CTDSP2: variants seen among roughly 807,000 people sequenced by gnomAD.
CTDSP2 encodes the protein CTD small phosphatase 2.
A neutral mutation model predicts 31.6 loss-of-function variants in CTDSP2; 9 were observed. The ratio of observed to expected loss-of-function variants is 0.28; its 90% CI spans 0.17 to 0.50. The LOEUF (loss-of-function observed/expected upper bound fraction) is 0.50. Ranked by LOEUF, CTDSP2 falls within the 20% of genes least tolerant of loss-of-function variation. CTDSP2 has a pLI of 0.98. For synonymous variants in CTDSP2, 134 were observed against 134.5 expected (o/e 1.00, Z 0.03); for missense variants, 267 against 348.5 (o/e 0.77, Z 1.86).
At chr12:57,833,407 A>G (rs989443240) in intron 1 of CTDSP2, among the ~76,000 whole-genome samples, 1 of 152,170 alleles carries the variant, frequency 6.6e-6, no homozygotes, top group Non-Finnish European at 1.5e-5. Flanking sequence ...AGTACCTCAG[A>G]CCCACAACAG....
intron 3 of CTDSP2, 151 bp from the exon 4 acceptor site, chr12:57,827,248 A>T: frequency 1.5e-6 from 1 of 648,348 alleles, no homozygotes; most frequent in Non-Finnish European, 2.7e-6. Context: ...AAGGAGGTGG[A>T]GTTGTTTCCT....
chr12:57,841,710 C>T (rs1191686931), intron 1 of CTDSP2, among the ~76,000 whole-genome samples: 2 of 152,208 alleles, frequency 1.3e-5, no homozygotes, highest in African/African-American at 2.4e-5. Context: ...CTCTGACCCC[C>T]GGCCACCTGT....
intron 1 of CTDSP2, among the ~76,000 whole-genome samples, chr12:57,845,916 G>T (rs986973486): frequency 3.1e-4 from 47 of 152,162 alleles, no homozygotes; most frequent in Non-Finnish European, 6.0e-4. Context: ...CTCGGGCTTG[G>T]GGGGGCCTGC....
intron 7 of CTDSP2, 40 bp from the exon 8 acceptor site, chr12:57,823,767 G>GC: frequency 6.2e-7 from 1 of 1,612,670 alleles, no homozygotes; most frequent in South Asian, 1.1e-5. Context: ...CCCGACTGCT[G>GC]CTTCCCCCTC....
At chr12:57,826,476 G>A in intron 4 of CTDSP2, 74 bp from the exon 5 acceptor site, 2 of 1,464,284 alleles carry the variant, frequency 1.4e-6, no homozygotes, top group South Asian at 2.3e-5. Flanking sequence ...CCCCTAGGTG[G>A]GTGGGGAGAA....
At chr12:57,840,356 C>T (rs1956275223) in intron 1 of CTDSP2, among the ~76,000 whole-genome samples, 1 of 152,190 alleles carries the variant, frequency 6.6e-6, no homozygotes, top group African/African-American at 2.4e-5. Context: ...GTCCCCTTGG[C>T]CCCTCTCCCC....
chr12:57,828,995 T>C (rs1235118450), intron 2 of CTDSP2, among the ~76,000 whole-genome samples: 2 of 152,270 alleles, frequency 1.3e-5, no homozygotes, highest in South Asian at 2.1e-4. Context: ...CTTTGCATAA[T>C]TGAGAACAAC....
intron 2 of CTDSP2, among the ~76,000 whole-genome samples, chr12:57,828,759 C>A (rs1956198315): frequency 6.6e-6 from 1 of 152,246 alleles, no homozygotes; most frequent in Non-Finnish European, 1.5e-5. Flanking sequence ...AAAGGAAGGA[C>A]AACCAGACCT....
At position 57,844,450 on chromosome 12, in the gene CTDSP2, G is replaced by A. The variant is rs565221690; in HGVS notation, c.64+1922C>T. On this transcript the variant is annotated intron_variant, in intron 1 of 7. Transcript: ENST00000398073. ...TCCCTTACTCCTCGCGTGGCCCCAC[G>A]ATGCCCAAGGCACACTCCCTGCAAG... Among the ~76,000 whole-genome samples, 4 of 152,238 alleles carry A rather than the reference G, an allele frequency of 2.6e-5. No homozygotes were observed. The East Asian group carries it at 7.7e-4, about 29-fold the overall frequency.
At chr12:57,839,664 G>A in intron 1 of CTDSP2, among the ~76,000 whole-genome samples, 1 of 152,064 alleles carries the variant, frequency 6.6e-6, no homozygotes, top group African/African-American at 2.4e-5. Flanking sequence ...CTTGCAGTGA[G>A]CTGAGATCGA....
intron 4 of CTDSP2, 109 bp downstream of exon 4, chr12:57,826,887 C>A: frequency 1.2e-6 from 1 of 868,828 alleles, no homozygotes; most frequent in Non-Finnish European, 1.8e-6. Context: ...TGGCCTTTTC[C>A]CTTCTAATCA....
chr12:57,845,984 T>C (rs1218010115), intron 1 of CTDSP2, among the ~76,000 whole-genome samples: 1 of 152,026 alleles, frequency 6.6e-6, no homozygotes, highest in South Asian at 2.1e-4. Flanking sequence ...GTCACCTTCC[T>C]AACCCCTCCC....
chr12:57,822,870 A>G lies in CTDSP2; in HGVS notation c.*732T>C, dbSNP rs796076614. The G allele has an allele frequency of 6.5e-6, 1 of 152,748 alleles. No homozygotes were observed. 9.5% of individuals were successfully genotyped at this position (152,748 alleles called of 1,614,324 possible). A position where few individuals can be genotyped will look rare whatever the true frequency, so the allele number is the denominator to read the frequency against. On this transcript the variant is annotated 3_prime_UTR_variant, in exon 8 of 8. Transcript: ENST00000398073. ...TCAGTTATCTGTCCTCTTCCCGGGC[A>G]GGGAGAAAACCTCCTTCCCCACAGG...
intron 1 of CTDSP2, among the ~76,000 whole-genome samples, chr12:57,839,993 A>G (rs1592243003): frequency 1.3e-5 from 2 of 152,138 alleles, no homozygotes; most frequent in African/African-American, 2.4e-5. Context: ...TACTCTGTCC[A>G]TTTACTCTGA....
chr12:57,824,856 G>A (rs934986048), intron 5 of CTDSP2, among the ~76,000 whole-genome samples: 3 of 152,082 alleles, frequency 2.0e-5, no homozygotes, highest in Admixed American at 1.3e-4. Flanking sequence ...GCTTGCTTCT[G>A]CCAGCCACCA....
At position 57,823,789 on chromosome 12, in the gene CTDSP2, A is replaced by G. The variant is rs1956164425; in HGVS notation, c.691-62T>C. On this transcript the variant is annotated intron_variant, in intron 7 of 7. Coordinates refer to ENST00000398073, the MANE Select transcript of CTDSP2 (RefSeq NM_005730.4). ...GCTGCTTCCCCCTCCCTCGCCCCAG[A>G]GCCCTAGAGGGTGGCTGGGTCTTCC... 7 of 1,611,218 alleles carry G rather than the reference A, an allele frequency of 4.3e-6. No homozygotes were observed. The East Asian group carries it at 1.6e-4, about 36-fold the overall frequency.
intron 1 of CTDSP2, among the ~76,000 whole-genome samples, chr12:57,841,690 T>C (rs1430051958): frequency 6.6e-6 from 1 of 152,082 alleles, no homozygotes; most frequent in Non-Finnish European, 1.5e-5. Context: ...GCCCCCACAA[T>C]CAGTGTCCCC....
At position 57,825,808 on chromosome 12, in the gene CTDSP2, AGAG is replaced by A. The variant is rs200003828; in HGVS notation, c.411+535_411+537del. Among the ~76,000 whole-genome samples, 33 of 152,302 alleles carry A rather than the reference AGAG, an allele frequency of 2.2e-4. No individual in the cohort carries two copies. The East Asian group carries it at 4.3e-3, about 20-fold the overall frequency. ...GGAAGGCAGTCAGAGAAGGCTTCACAGAGGAGGAGATGTCTGGGCTGGGGAGGA... is the reference window on the plus strand; with the variant it reads ...GGAAGGCAGTCAGAGAAGGCTTCACAGAGGAGATGTCTGGGCTGGGGAGGA... On this transcript the variant is annotated intron_variant, in intron 5 of 7. Transcript: ENST00000398073.
In CTDSP2 at chr12:57,842,298, C is replaced by T. The variant is rs555878989; in HGVS notation, c.64+4074G>A. The T allele has an allele frequency of 2.0e-5, 3 of 152,288 alleles. No homozygotes were observed. In the South Asian group the frequency reaches 6.2e-4, roughly 32 times the overall value. The allele number at this position is 152,288 out of a possible 1,614,324, so 9.4% of individuals were successfully genotyped here. On this transcript the variant is annotated intron_variant, in intron 1 of 7. Coordinates refer to ENST00000398073, the MANE Select transcript of CTDSP2 (RefSeq NM_005730.4). ...TTCACGTTGGCTAGAAATGTGACTT[C>T]TTTAGTATTTACCATTTTAACAAAA...
Sources: allele counts gnomAD v4.1 joint callset (sites outside exome capture counted in the v4.1 genomes callset), GRCh38; gene constraint gnomAD v4.1.1; transcripts MANE v1.5; gene names NCBI Gene and HGNC (gene_info 2026-07-23, HGNC 2026-07-21).